The following CDH12 variants were observed in gnomAD, a reference collection of about 807,000 sequenced individuals.
CDH12 encodes cadherin 12, also known as cadherin-12.
CDH12 carries 41 observed loss-of-function variants against 74.1 expected under a neutral mutation model. That is an observed-to-expected ratio of 0.55 (90% CI 0.43 to 0.72). CDH12 has a LOEUF of 0.72. Among genes scored for constraint, CDH12 ranks in the 30% least tolerant of loss-of-function variants. The probability of loss-of-function intolerance (pLI) is 0.00; values close to 1 mark genes in which losing one functional copy is unlikely to be tolerated. For missense variants in CDH12, 945 were observed against 977.2 expected, an observed-to-expected ratio of 0.97 and a Z score of 0.44; for synonymous variants, 399 against 355.0, an observed-to-expected ratio of 1.12 and a Z score of -1.39.
At chr5:22,118,348 T>C (rs1184113506) in intron 4 of CDH12, among the ~76,000 whole-genome samples, 1 of 152,098 alleles carries the variant, frequency 6.6e-6, no homozygotes, top group African/African-American at 2.4e-5. Context: ...ACTCAGTGTA[T>C]TGTTTCAGCC....
At chr5:22,670,035 A>G (rs1038591) in intron 1 of CDH12, among the ~76,000 whole-genome samples, 102,678 of 151,978 alleles carry the variant, frequency 0.68, 34,934 homozygotes, top group Admixed American at 0.73. Context: ...AAATGTATGT[A>G]ACAGGAGTTA....
chr5:22,814,195 T>C (rs1749282652), intron 1 of CDH12, among the ~76,000 whole-genome samples: 1 of 152,174 alleles, frequency 6.6e-6, no homozygotes, highest in East Asian at 1.9e-4. Context: ...ATATTATAAA[T>C]GCTTGGCCCA....
chr5:21,919,657 A>G (rs1313737136), intron 6 of CDH12, among the ~76,000 whole-genome samples: 1 of 152,208 alleles, frequency 6.6e-6, no homozygotes, highest in Non-Finnish European at 1.5e-5. Flanking sequence ...AGCTGTAGAT[A>G]GACTTGATTC....
chr5:22,428,445 ATGTG>A (rs536857435), intron 2 of CDH12, among the ~76,000 whole-genome samples: 1 of 150,428 alleles, frequency 6.6e-6, no homozygotes, highest in Non-Finnish European at 1.5e-5. Flanking sequence ...ATATATATAT[ATGTG>A]TGTGTGTGTG....
intron 1 of CDH12, among the ~76,000 whole-genome samples, chr5:22,692,969 A>G (rs1742161633): frequency 6.6e-6 from 1 of 151,318 alleles, no homozygotes; most frequent in African/African-American, 2.4e-5. Context: ...AACACTAAAT[A>G]TTATTATTCC....
chr5:22,288,312 A>C (rs895638813), intron 3 of CDH12, among the ~76,000 whole-genome samples: 2 of 152,160 alleles, frequency 1.3e-5, no homozygotes, highest in African/African-American at 2.4e-5. Context: ...CAATTTATGT[A>C]ATTTATATTT....
intron 6 of CDH12, among the ~76,000 whole-genome samples, chr5:21,895,395 A>C (rs904578136): frequency 1.4e-4 from 22 of 152,204 alleles, no homozygotes; most frequent in Admixed American, 9.2e-4. Context: ...CTGAGTAGAG[A>C]AGAGAAACTG....
At chr5:22,678,748 ATGTACT>A (rs1741341791) in intron 1 of CDH12, among the ~76,000 whole-genome samples, 1 of 152,064 alleles carries the variant, frequency 6.6e-6, no homozygotes, top group Non-Finnish European at 1.5e-5. Context: ...AATTCTAATA[ATGTACT>A]TGTATATTTT....
chr5:22,584,140 G>T (rs1442975707), intron 1 of CDH12, among the ~76,000 whole-genome samples: 6 of 150,874 alleles, frequency 4.0e-5, no homozygotes, highest in African/African-American at 1.5e-4. Flanking sequence ...TTGCTCTGTC[G>T]CCAGGCTGGA....
chr5:22,478,880 A>G (rs2126619698), intron 2 of CDH12, among the ~76,000 whole-genome samples: 1 of 152,252 alleles, frequency 6.6e-6, no homozygotes, highest in East Asian at 1.9e-4. Context: ...GTCTTTTCCT[A>G]GTGTAATTAA....
At chr5:22,500,579 T>C (rs1279069833) in intron 2 of CDH12, among the ~76,000 whole-genome samples, 1 of 152,172 alleles carries the variant, frequency 6.6e-6, no homozygotes, top group African/African-American at 2.4e-5. Flanking sequence ...TTTAATCAAC[T>C]TTAAAATTAT....
At chr5:22,304,099 C>T (rs559058086) in intron 3 of CDH12, among the ~76,000 whole-genome samples, 1 of 152,178 alleles carries the variant, frequency 6.6e-6, no homozygotes, top group East Asian at 1.9e-4. Flanking sequence ...ACATATTACT[C>T]AGCATGTTGA....
chr5:21,820,610 C>T (rs1354499958), intron 8 of CDH12, among the ~76,000 whole-genome samples: 1 of 151,988 alleles, frequency 6.6e-6, no homozygotes, highest in African/African-American at 2.4e-5. Flanking sequence ...AATATTACAG[C>T]TGGTAATAAA....
intron 1 of CDH12, among the ~76,000 whole-genome samples, chr5:22,520,215 GTTAT>G (rs929229879): frequency 6.6e-4 from 101 of 152,026 alleles, no homozygotes; most frequent in African/African-American, 2.3e-3. Flanking sequence ...AATAGTGATT[GTTAT>G]TTATTTTTCA....
At chr5:22,115,188 C>G (rs1169297561) in intron 4 of CDH12, among the ~76,000 whole-genome samples, 1 of 152,184 alleles carries the variant, frequency 6.6e-6, no homozygotes, top group African/African-American at 2.4e-5. Flanking sequence ...TTTCAGTTAT[C>G]TCCCAGGACT....
intron 1 of CDH12, among the ~76,000 whole-genome samples, chr5:22,756,546 A>G (rs1224301820): frequency 6.6e-6 from 1 of 152,232 alleles, no homozygotes; most frequent in Non-Finnish European, 1.5e-5. Context: ...ATCACAATTT[A>G]CCCTCATTAT....
At chr5:22,145,426 AGTGATGGT>A (rs1257883192) in intron 4 of CDH12, among the ~76,000 whole-genome samples, 3 of 152,044 alleles carry the variant, frequency 2.0e-5, no homozygotes, top group Non-Finnish European at 4.4e-5. Context: ...ATATCACAAA[AGTGATGGT>A]GAGCTAGGTT....
chr5:22,526,367 C>T (rs1445033995), intron 1 of CDH12, among the ~76,000 whole-genome samples: 1 of 152,140 alleles, frequency 6.6e-6, no homozygotes, highest in Non-Finnish European at 1.5e-5. Context: ...ATCAATATTT[C>T]TGCATATTAA....
chr5:22,682,439 G>A (rs1741542142), intron 1 of CDH12, among the ~76,000 whole-genome samples: 12 of 152,002 alleles, frequency 7.9e-5, no homozygotes, highest in Admixed American at 7.9e-4. Context: ...TTAAGCCAAA[G>A]GGTAGACAGG....
Sources: gnomAD v4.1 joint callset for allele counts (sites outside exome capture counted in the v4.1 genomes callset) on GRCh38, gnomAD v4.1.1 for gene constraint, MANE v1.5 for transcripts, NCBI Gene and HGNC (gene_info 2026-07-23, HGNC 2026-07-21) for gene names.